CSMD1: variants seen among roughly 807,000 people sequenced by gnomAD.
CSMD1 encodes the protein CUB and sushi domain-containing protein 1.
In CSMD1, 213 loss-of-function variants were observed where a neutral mutation model predicts 417.5. That is an observed-to-expected ratio of 0.51 (90% CI 0.46 to 0.57). The LOEUF is 0.57. Among genes scored for constraint, CSMD1 ranks in the 20% least tolerant of loss-of-function variants. The probability of loss-of-function intolerance (pLI) is 0.00; values close to 1 mark genes in which losing one functional copy is unlikely to be tolerated. For missense variants in CSMD1, 6,923 were observed against 4,529.7 expected, an observed-to-expected ratio of 1.53 and a Z score of -15.17; for synonymous variants, 2,862 against 1,736.8, an observed-to-expected ratio of 1.65 and a Z score of -16.11.
intron 2 of CSMD1, among the ~76,000 whole-genome samples, chr8:4,587,911 T>A (rs560355040): frequency 3.4e-4 from 52 of 152,330 alleles, no homozygotes; most frequent in South Asian, 8.3e-4. Flanking sequence ...GTGTGAATAC[T>A]TTTAAACTCA....
At chr8:4,267,076 C>A (rs148920368) in intron 3 of CSMD1, among the ~76,000 whole-genome samples, 1 of 103,506 alleles carries the variant, frequency 9.7e-6, no homozygotes, top group African/African-American at 2.6e-5. Context: ...AATAGAGTGT[C>A]TGTTTACTTC....
intron 12 of CSMD1, among the ~76,000 whole-genome samples, chr8:3,454,760 C>T (rs947543466): frequency 5.3e-5 from 8 of 152,282 alleles, no homozygotes; most frequent in Admixed American, 5.2e-4. Flanking sequence ...TTCTTCATCT[C>T]TACTTTGCTG....
chr8:4,826,295 G>A (rs2117413166), intron 1 of CSMD1, among the ~76,000 whole-genome samples: 1 of 151,910 alleles, frequency 6.6e-6, no homozygotes, highest in South Asian at 2.1e-4. Context: ...ATACGTATAT[G>A]TATGTGTGTA....
chr8:3,225,422 C>T (rs1211339125), intron 27 of CSMD1, among the ~76,000 whole-genome samples: 3 of 150,506 alleles, frequency 2.0e-5, no homozygotes, highest in African/African-American at 4.9e-5. Flanking sequence ...TTGAATTGTG[C>T]AGAAGCAATT....
At chr8:4,032,178 C>T (rs1278870075) in intron 3 of CSMD1, 79 bp from the exon 4 acceptor site, 5 of 1,002,678 alleles carry the variant, frequency 5.0e-6, no homozygotes, top group South Asian at 1.8e-5. Context: ...AAACAGACAC[C>T]ATTTTTGAAT....
intron 3 of CSMD1, among the ~76,000 whole-genome samples, chr8:4,261,457 G>C (rs931009453): frequency 6.6e-6 from 1 of 152,164 alleles, no homozygotes. Context: ...CTTCCAGTTC[G>C]AAGATGCATC....
chr8:3,468,614 G>T, intron 12 of CSMD1, 98 bp downstream of exon 12: 1 of 662,922 alleles, frequency 1.5e-6, no homozygotes, highest in South Asian at 1.9e-5. Flanking sequence ...AGCATTGTTT[G>T]ACTTGTTGAT....
intron 3 of CSMD1, among the ~76,000 whole-genome samples, chr8:4,179,834 T>C (rs544250694): frequency 3.7e-4 from 56 of 152,206 alleles, no homozygotes; most frequent in African/African-American, 1.3e-3. Context: ...AAAATGCTCA[T>C]CATCACTGGC....
At chr8:3,616,462 A>G (rs1584966201) in intron 8 of CSMD1, among the ~76,000 whole-genome samples, 1 of 152,186 alleles carries the variant, frequency 6.6e-6, no homozygotes, top group Admixed American at 6.6e-5. Context: ...TCTTTCCTTT[A>G]TAAATTACCC....
rs557684028 is a variant in CSMD1 at position 3,167,406 on chromosome 8, G to A, written c.5726-5129C>T. 5.3e-5 allele frequency among the ~76,000 whole-genome samples: 8 copies of A among 152,092 alleles called. No homozygotes were observed. In the East Asian group the frequency reaches 1.2e-3, roughly 22 times the overall value. On this transcript the variant is annotated intron_variant, in intron 37 of 69. Transcript: ENST00000635120. Reference sequence around the variant, plus strand: ...AATACATGACTCTGAATGCCCAGGTGCCCTGATTAAATGTGAAGACAACAT... The same window carrying A: ...AATACATGACTCTGAATGCCCAGGTACCCTGATTAAATGTGAAGACAACAT...
intron 3 of CSMD1, among the ~76,000 whole-genome samples, chr8:4,379,626 A>C (rs1206925623): frequency 6.6e-6 from 1 of 152,232 alleles, no homozygotes; most frequent in African/African-American, 2.4e-5. Context: ...CATGAGATTT[A>C]TTAACACCAA....
chr8:4,384,219 C>G (rs1803291640), intron 3 of CSMD1, among the ~76,000 whole-genome samples: 1 of 151,780 alleles, frequency 6.6e-6, no homozygotes, highest in Non-Finnish European at 1.5e-5. Context: ...CCTATGATTT[C>G]AAACAAGACA....
chr8:3,955,159 A>ACTGTCCTC (rs1395809408), intron 5 of CSMD1, among the ~76,000 whole-genome samples: 1 of 152,116 alleles, frequency 6.6e-6, no homozygotes, highest in Middle Eastern at 3.2e-3. Context: ...AGAAGCACTG[A>ACTGTCCTC]CTGTCCTCCT....
chr8:3,829,252 C>A (rs897162085), intron 5 of CSMD1, among the ~76,000 whole-genome samples: 1 of 152,118 alleles, frequency 6.6e-6, no homozygotes, highest in African/African-American at 2.4e-5. Context: ...TAGCTTAGCT[C>A]CCACATATGA....
intron 33 of CSMD1, among the ~76,000 whole-genome samples, chr8:3,194,459 T>C (rs111478815): frequency 2.9e-4 from 36 of 122,960 alleles, no homozygotes; most frequent in South Asian, 7.4e-4. Context: ...TATTTTATTT[T>C]ATTTCATTTC....
intron 2 of CSMD1, among the ~76,000 whole-genome samples, chr8:4,426,067 A>G (rs945200688): frequency 1.8e-4 from 28 of 151,482 alleles, no homozygotes; most frequent in African/African-American, 6.8e-4. Context: ...AAAACTGGCC[A>G]TAAATAAAAG....
chr8:3,311,487 T>G (rs1425642823), intron 23 of CSMD1, among the ~76,000 whole-genome samples: 2 of 152,130 alleles, frequency 1.3e-5, no homozygotes, highest in African/African-American at 4.8e-5. Context: ...TGACCTCAAG[T>G]GATTTGCTTG....
At chr8:4,241,865 A>AAGAG (rs796836032) in intron 3 of CSMD1, among the ~76,000 whole-genome samples, 2 of 152,116 alleles carry the variant, frequency 1.3e-5, no homozygotes, top group Non-Finnish European at 2.9e-5. Context: ...AGTGCAAAAA[A>AAGAG]AGAGAGAAAG....
intron 3 of CSMD1, among the ~76,000 whole-genome samples, chr8:4,084,784 C>A (rs1431987042): frequency 7.2e-6 from 1 of 138,554 alleles, no homozygotes; most frequent in Non-Finnish European, 1.5e-5. Flanking sequence ...TGTAGCATTT[C>A]CATTCAAGTC....
Sources: gnomAD v4.1 joint callset for allele counts (sites outside exome capture counted in the v4.1 genomes callset) on GRCh38, gnomAD v4.1.1 for gene constraint, MANE v1.5 for transcripts, NCBI Gene and HGNC (gene_info 2026-07-23, HGNC 2026-07-21) for gene names.